SUMF1: variants seen among roughly 807,000 people sequenced by gnomAD.
SUMF1 encodes the protein sulfatase modifying factor 1.
A neutral mutation model predicts 47.6 loss-of-function variants in SUMF1; 48 were observed. The observed-to-expected ratio is 1.01, with a 90% confidence interval of 0.80 to 1.28. The LOEUF (loss-of-function observed/expected upper bound fraction) is 1.28, where lower values mean the gene tolerates loss of function less well. Among genes scored for constraint, SUMF1 ranks in the 50% most tolerant of loss-of-function variants. SUMF1 has a pLI of 0.00. For synonymous variants in SUMF1, 230 were observed against 192.1 expected (o/e 1.20, Z -1.63); for missense variants, 571 against 485.4 (o/e 1.18, Z -1.66).
intron 8 of SUMF1, among the ~76,000 whole-genome samples, chr3:4,204,684 G>A (rs1164727711): frequency 6.6e-6 from 1 of 151,128 alleles, no homozygotes; most frequent in Non-Finnish European, 1.5e-5. Flanking sequence ...TTTTACTTTT[G>A]TTTCCTCTGC....
intron 8 of SUMF1, among the ~76,000 whole-genome samples, chr3:4,297,638 G>A (rs1329332467): frequency 6.8e-6 from 1 of 146,410 alleles, no homozygotes; most frequent in African/African-American, 2.6e-5. Context: ...CTGGCCTTGA[G>A]CCATCCTCCA....
At chr3:4,080,028 G>C (rs560885485) in intron 8 of SUMF1, among the ~76,000 whole-genome samples, 1 of 151,818 alleles carries the variant, frequency 6.6e-6, no homozygotes, top group African/African-American at 2.4e-5. Context: ...AAATGAGTCA[G>C]AATCCAAATG....
At position 4,157,832 on chromosome 3, in the gene SUMF1, T is replaced by C. The variant is rs927780829; in HGVS notation, c.1015-89087A>G. 5.9e-5 allele frequency among the ~76,000 whole-genome samples: 9 copies of C among 151,520 alleles called. 1 individual carries two copies. Among genetic ancestry groups the C allele is most frequent in the African/African-American group, 2.2e-4 (9 of 40,878 alleles). Reference sequence around the variant, plus strand: ...GCTGTAGAAGTGACTACTTCTACCCTGTCACCGAGTTAAAAACTATTTAGC... The same window carrying C: ...GCTGTAGAAGTGACTACTTCTACCCCGTCACCGAGTTAAAAACTATTTAGC... On this transcript the variant is annotated intron_variant and NMD_transcript_variant, in intron 8 of 12. Coordinates refer to the SUMF1 transcript ENST00000448413.
chr3:4,456,454 G>GTTTTTTT (rs775343012), intron 1 of SUMF1, among the ~76,000 whole-genome samples: 1 of 134,092 alleles, frequency 7.5e-6, no homozygotes, highest in Admixed American at 7.6e-5. Context: ...GTTTTTCTTT[G>GTTTTTTT]TTTTTTTTTT....
chr3:4,322,739 T>C (rs1698863626), intron 8 of SUMF1, among the ~76,000 whole-genome samples: 1 of 151,932 alleles, frequency 6.6e-6, no homozygotes. Flanking sequence ...CCTCATATAT[T>C]GGTTGGTTGG....
chr3:4,239,512 A>C (rs1696489400), intron 8 of SUMF1, among the ~76,000 whole-genome samples: 1 of 152,118 alleles, frequency 6.6e-6, no homozygotes, highest in African/African-American at 2.4e-5. Context: ...TTGGATTCCT[A>C]GATATTCTAT....
At chr3:4,070,940 T>A (rs1416194132) in intron 8 of SUMF1, among the ~76,000 whole-genome samples, 2 of 152,152 alleles carry the variant, frequency 1.3e-5, no homozygotes. Flanking sequence ...CTCCTTTCAG[T>A]ACTTTCTTAC....
chr3:4,057,002 T>G (rs978616564), intron 9 of SUMF1, among the ~76,000 whole-genome samples: 2 of 152,082 alleles, frequency 1.3e-5, no homozygotes, highest in African/African-American at 4.8e-5. Flanking sequence ...CACCTCAGCC[T>G]CCCAAAGTGC....
At chr3:4,037,912 G>A (rs891496989) in intron 9 of SUMF1, among the ~76,000 whole-genome samples, 1 of 152,148 alleles carries the variant, frequency 6.6e-6, no homozygotes, top group Non-Finnish European at 1.5e-5. Context: ...TTTCACAGTT[G>A]GCGGGTTATG....
chr3:4,079,208 T>C, intron 8 of SUMF1, among the ~76,000 whole-genome samples: 1 of 152,150 alleles, frequency 6.6e-6, no homozygotes, highest in East Asian at 1.9e-4. Context: ...ATACCCTGTA[T>C]TCCAGCTTCT....
At chr3:4,218,287 AAAT>A (rs1695983865) in intron 8 of SUMF1, among the ~76,000 whole-genome samples, 1 of 152,070 alleles carries the variant, frequency 6.6e-6, no homozygotes, top group African/African-American at 2.4e-5. Context: ...GCCACATACA[AAAT>A]AATAATAATA....
At chr3:4,051,860 C>T (rs1025154078) in intron 9 of SUMF1, among the ~76,000 whole-genome samples, 2 of 152,188 alleles carry the variant, frequency 1.3e-5, no homozygotes, top group African/African-American at 4.8e-5. Context: ...TCTACCCCTG[C>T]AGCCTAAGTG....
chr3:4,338,952 C>T (rs748844317), intron 8 of SUMF1, among the ~76,000 whole-genome samples: 20 of 152,168 alleles, frequency 1.3e-4, no homozygotes, highest in Non-Finnish European at 1.0e-4. Context: ...TCACCAGAGC[C>T]TCGCCAGTGC....
chr3:4,150,899 T>A (rs1428846575), intron 8 of SUMF1, among the ~76,000 whole-genome samples: 4 of 151,360 alleles, frequency 2.6e-5, no homozygotes, highest in Admixed American at 2.0e-4. Flanking sequence ...TTCCATAGGC[T>A]TTAGCTGTCT....
At chr3:4,426,203 G>T (rs1702062927) in intron 3 of SUMF1, among the ~76,000 whole-genome samples, 1 of 152,184 alleles carries the variant, frequency 6.6e-6, no homozygotes, top group Non-Finnish European at 1.5e-5. Flanking sequence ...TTGGGCCCCT[G>T]TAAGGGAACC....
chr3:4,227,514 C>T (rs145740368), intron 8 of SUMF1, among the ~76,000 whole-genome samples: 31 of 152,248 alleles, frequency 2.0e-4, no homozygotes, highest in African/African-American at 6.7e-4. Flanking sequence ...GCCGGACTTC[C>T]TGAGTCACCC....
intron 8 of SUMF1, chr3:4,316,611 G>A: frequency 6.4e-7 from 1 of 1,551,204 alleles, no homozygotes; most frequent in East Asian, 2.4e-5. Flanking sequence ...TCGTCGTTTT[G>A]AAGTGTCATC....
intron 8 of SUMF1, among the ~76,000 whole-genome samples, chr3:4,299,718 GA>G (rs1203634785): frequency 2.0e-5 from 3 of 152,200 alleles, no homozygotes; most frequent in African/African-American, 7.2e-5. Context: ...GCTGAGGCAG[GA>G]AGACTGCTTG....
chr3:4,387,109 TAA>T (rs1315262239), intron 7 of SUMF1, among the ~76,000 whole-genome samples: 81 of 152,146 alleles, frequency 5.3e-4, no homozygotes, highest in Non-Finnish European at 1.2e-4. Flanking sequence ...ACTAGCTTCG[TAA>T]AATGATTAGA....
Sources: allele counts gnomAD v4.1 joint callset (sites outside exome capture counted in the v4.1 genomes callset), GRCh38; gene constraint gnomAD v4.1.1; transcripts MANE v1.5; gene names NCBI Gene and HGNC (gene_info 2026-07-23, HGNC 2026-07-21).